The following SHISA2 variants were observed in gnomAD, a reference collection of about 807,000 sequenced individuals.
SHISA2 encodes protein shisa-2 homolog.
SHISA2 carries 16 observed loss-of-function variants against 23.8 expected under a neutral mutation model. The observed-to-expected ratio is 0.67, with a 90% CI of 0.46 to 1.02. The LOEUF is 1.02. Among genes scored for constraint, SHISA2 ranks in the 50% least tolerant of loss-of-function variants. SHISA2 has a pLI of 0.00. For synonymous variants in SHISA2, 201 were observed against 178.6 expected (o/e 1.13, Z -1.00); for missense variants, 459 against 420.1 (o/e 1.09, Z -0.81).
At position 26,050,947 on chromosome 13, in the gene SHISA2, G is replaced by A. The variant is rs763889075; in HGVS notation, c.29C>T (p.Ser10Phe). Residue 10 changes from serine to phenylalanine, a missense_variant, in exon 1 of 2, where the codon TCC becomes TTC. Transcript: ENST00000319420. ...GAGCGAAGCGGCGTTCCAGGATGAG[G>A]AGACGGACGAGCGGCGAGCGCCCCA... The part of the protein sequence containing the change: MWGARRSSV[S>F]SSWNAASLLQ... 6 of 1,517,178 alleles carry A rather than the reference G, an allele frequency of 4.0e-6. No individual in the cohort carries two copies. In the African/African-American group the frequency reaches 7.1e-5, roughly 18 times the overall value. The allele number at this position is 1,517,178 out of a possible 1,614,324, so 94.0% of individuals were successfully genotyped here.
Position 26,051,427 on chromosome 13 carries a change from G to T in SHISA2, c.-452C>A, listed in dbSNP as rs973159476. 2.6e-5 allele frequency among the ~76,000 whole-genome samples: 4 copies of T among 152,152 alleles called. No homozygotes were observed. Among genetic ancestry groups the T allele is most frequent in the African/African-American group, 9.7e-5 (4 of 41,446 alleles). ...CCTCAGGGTCCCGCGCGCGAATCAGGGCCCGTCTCCCCTCCTTTATTCCCT... is the reference window on the plus strand; with the variant it reads ...CCTCAGGGTCCCGCGCGCGAATCAGTGCCCGTCTCCCCTCCTTTATTCCCT... On this transcript the variant is annotated 5_prime_UTR_variant, in exon 1 of 2. Coordinates refer to ENST00000319420, the MANE Select transcript of SHISA2 (RefSeq NM_001007538.2).
Position 26,046,231 on chromosome 13 carries a change from A to G in SHISA2, c.*282T>C. ...AGTTTATAAAATTCTTTCGTCAACC[A>G]TATCTCAAGGGCACTTCGGACTCAA... On this transcript the variant is annotated 3_prime_UTR_variant, in exon 2 of 2. Coordinates refer to ENST00000319420, the MANE Select transcript of SHISA2 (RefSeq NM_001007538.2). The G allele has an allele frequency of 6.1e-6, 2 of 327,452 alleles. No individual in the cohort carries two copies. The highest frequency in any genetic ancestry group is 5.0e-5 in the East Asian group (1 of 19,926). 20.3% of individuals were successfully genotyped at this position (327,452 alleles called of 1,614,324 possible).
intron 1 of SHISA2, among the ~76,000 whole-genome samples, chr13:26,048,747 A>G (rs780505896): frequency 1.3e-5 from 2 of 152,210 alleles, no homozygotes; most frequent in Non-Finnish European, 2.9e-5. Context: ...TTAAAGTATA[A>G]TACCAGGTGG....
chr13:26,048,391 C>T (rs373384147), intron 1 of SHISA2, among the ~76,000 whole-genome samples: 5 of 152,140 alleles, frequency 3.3e-5, no homozygotes, highest in South Asian at 2.1e-4. Flanking sequence ...AGAAAATAGA[C>T]GCAGGTTGAC....
intron 1 of SHISA2, among the ~76,000 whole-genome samples, chr13:26,049,515 A>C: frequency 6.6e-6 from 1 of 152,158 alleles, no homozygotes; most frequent in Non-Finnish European, 1.5e-5. Context: ...GCTTTCTTCC[A>C]TGGCCACACA....
In SHISA2 at chr13:26,045,386, G is replaced by T. The variant is rs1957259430; in HGVS notation, c.*1127C>A. The T allele has an allele frequency of 6.6e-6, 1 of 152,072 alleles. No homozygotes were observed. Among genetic ancestry groups the T allele is most frequent in the Admixed American group, 6.5e-5 (1 of 15,270 alleles). 9.4% of individuals were successfully genotyped at this position (152,072 alleles called of 1,614,324 possible). On this transcript the variant is annotated 3_prime_UTR_variant, in exon 2 of 2. Coordinates refer to ENST00000319420, the MANE Select transcript of SHISA2 (RefSeq NM_001007538.2). Reference sequence around the variant, plus strand: ...TAGTTTATGATTTCAATATAAAAAAGAATGCATTACCTCTCAGATGTCACC... The same window carrying T: ...TAGTTTATGATTTCAATATAAAAAATAATGCATTACCTCTCAGATGTCACC...
intron 1 of SHISA2, among the ~76,000 whole-genome samples, chr13:26,049,618 G>A (rs941248490): frequency 3.9e-5 from 6 of 152,168 alleles, no homozygotes; most frequent in Admixed American, 2.0e-4. Flanking sequence ...GGAGTAGCAT[G>A]CTAATAAAAT....
chr13:26,047,614 A>AC (rs1957276533), intron 1 of SHISA2, among the ~76,000 whole-genome samples: 1 of 152,206 alleles, frequency 6.6e-6, no homozygotes, highest in Admixed American at 6.5e-5. Context: ...CTAAGTCACT[A>AC]CCATTTCCAA....
chr13:26,050,163 T>TGGGAATCC, intron 1 of SHISA2, among the ~76,000 whole-genome samples: 1 of 152,142 alleles, frequency 6.6e-6, no homozygotes, highest in East Asian at 1.9e-4. Context: ...GTGGAGAAGA[T>TGGGAATCC]GGGAATCCGC....
intron 1 of SHISA2, among the ~76,000 whole-genome samples, chr13:26,050,264 T>G (rs147632819): frequency 1.4e-3 from 210 of 152,214 alleles, no homozygotes; most frequent in Admixed American, 2.5e-3. Context: ...TGCCAGGCCC[T>G]CACGGGTGGG....
At position 26,051,144 on chromosome 13, in the gene SHISA2, G is replaced by A; in HGVS notation, c.-169C>T. 2 of 589,366 alleles carry A rather than the reference G, an allele frequency of 3.4e-6. No individual in the cohort carries two copies. The highest frequency in any genetic ancestry group is 4.7e-5 in the South Asian group (2 of 42,338). The allele number at this position is 589,366 out of a possible 1,614,324, so 36.5% of individuals were successfully genotyped here. Reference sequence around the variant, plus strand: ...CAGGAGGCGACGACGCCGGGCCCTAGGTCCAGGAGCTCCTAAGCCATCCCC... The same window carrying A: ...CAGGAGGCGACGACGCCGGGCCCTAAGTCCAGGAGCTCCTAAGCCATCCCC... On this transcript the variant is annotated 5_prime_UTR_variant, in exon 1 of 2. Transcript: ENST00000319420.
At position 26,046,977 on chromosome 13, in the gene SHISA2, A is replaced by C. The variant is rs372980117; in HGVS notation, c.424T>G (p.Cys142Gly). Residue 142 changes from cysteine (C) to glycine (G), a missense_variant, in exon 2 of 2, where the codon TGT becomes GGT. Physicochemically the swap from Cys to Gly is radical, Grantham distance 159. Coordinates refer to ENST00000319420, the MANE Select transcript of SHISA2 (RefSeq NM_001007538.2). ...TGGGGATCCTGCTTAGGCCGGAGACATCTGCAGCAACAGGCTGCCACCAGG... is the reference window on the plus strand; with the variant it reads ...TGGGGATCCTGCTTAGGCCGGAGACCTCTGCAGCAACAGGCTGCCACCAGG... ...GSLVAACCCRCLRPKQDPQQS... is the reference protein window; with the variant it reads ...GSLVAACCCRGLRPKQDPQQS... 1.4e-5 allele frequency: 23 copies of C among 1,603,386 alleles called. No individual in the cohort carries two copies. Among genetic ancestry groups the C allele is most frequent in the Non-Finnish European group, 2.0e-5 (23 of 1,172,802 alleles).
chr13:26,050,104 A>C (rs925290197), intron 1 of SHISA2, among the ~76,000 whole-genome samples: 1 of 152,212 alleles, frequency 6.6e-6, no homozygotes, highest in Non-Finnish European at 1.5e-5. Context: ...TAAGGAAAAC[A>C]GTCCAGAAGC....
At chr13:26,048,288 T>C (rs1003331899) in intron 1 of SHISA2, among the ~76,000 whole-genome samples, 10 of 152,094 alleles carry the variant, frequency 6.6e-5, no homozygotes, top group African/African-American at 2.2e-4. Flanking sequence ...GGGCAACAGA[T>C]TGAGATTCCA....
chr13:26,046,445 C>A lies in SHISA2; in HGVS notation c.*68G>T. ...CATAAATACCACCGACATGTGCGGA[C>A]TTCCACCTCGAGAATCCACCCCTGC... On this transcript the variant is annotated 3_prime_UTR_variant, in exon 2 of 2. Coordinates refer to ENST00000319420, the MANE Select transcript of SHISA2 (RefSeq NM_001007538.2). 1 of 1,500,746 alleles carries A rather than the reference C, an allele frequency of 6.7e-7. No homozygotes were observed. Among genetic ancestry groups the A allele is most frequent in the Non-Finnish European group, 9.0e-7 (1 of 1,115,922 alleles). 93.0% of individuals were successfully genotyped at this position (1,500,746 alleles called of 1,614,324 possible).
Position 26,051,342 on chromosome 13 carries a change from C to G in SHISA2, c.-367G>C, listed in dbSNP as rs1214758543. Among the ~76,000 whole-genome samples, 16 of 152,160 alleles carry G rather than the reference C, an allele frequency of 1.1e-4. No homozygotes were observed. Among genetic ancestry groups the G allele is most frequent in the Non-Finnish European group, 2.4e-4 (16 of 68,016 alleles). ...TCCCCGAAGGGATGCTCACTCGAGC[C>G]GAATGACCGCTGGGCGCGCCGCCGC... On this transcript the variant is annotated 5_prime_UTR_variant, in exon 1 of 2. Transcript: ENST00000319420.
chr13:26,046,933 C>CCCGAG lies in SHISA2; in HGVS notation c.467_468insCTCGG (p.Gly157SerfsTer6). The CCCGAG allele has an allele frequency of 6.2e-7, 1 of 1,613,438 alleles. No homozygotes were observed. Among genetic ancestry groups the CCCGAG allele is most frequent in the South Asian group, 1.1e-5 (1 of 91,002 alleles). On this transcript the variant is annotated frameshift_variant, in exon 2 of 2. Transcript: ENST00000319420. LOFTEE classifies it high-confidence loss of function. ...GGATGGTCTCCATCAAGCGGTTACC[C>CCCGAG]CCTGGGGCTCGGCTCTGCTGGGGAT...
At chr13:26,048,877 GC>G (rs1566374189) in intron 1 of SHISA2, among the ~76,000 whole-genome samples, 1 of 152,106 alleles carries the variant, frequency 6.6e-6, no homozygotes, top group Non-Finnish European at 1.5e-5. Flanking sequence ...TATATATAGC[GC>G]CCCTTTAGCA....
Position 26,050,863 on chromosome 13 carries a change from C to T in SHISA2, c.113G>A (p.Cys38Tyr), listed in dbSNP as rs774752093. ...GCCCTGCGCGTCCAGCCAGCCGTGG[C>T]AGTACTCGCCGCTGGCCCTCGCCCC... Reference protein sequence around the residue: ...AAGARASGEYCHGWLDAQGVW... With the variant: ...AAGARASGEYYHGWLDAQGVW... The change falls in exon 1 of 2, where the codon TGC becomes TAC. Residue 38 changes from cysteine (C) to tyrosine (Y), a missense_variant. Coordinates refer to ENST00000319420, the MANE Select transcript of SHISA2 (RefSeq NM_001007538.2). The T allele has an allele frequency of 6.6e-7, 1 of 1,526,414 alleles. No homozygotes were observed. Among genetic ancestry groups the T allele is most frequent in the Non-Finnish European group, 8.7e-7 (1 of 1,145,022 alleles). The allele number at this position is 1,526,414 out of a possible 1,614,324, so 94.6% of individuals were successfully genotyped here. A position where few individuals can be genotyped will look rare whatever the true frequency, so the allele number is the denominator to read the frequency against.
Sources: allele counts gnomAD v4.1 joint callset (sites outside exome capture counted in the v4.1 genomes callset), GRCh38; gene constraint gnomAD v4.1.1; transcripts MANE v1.5; gene names NCBI Gene and HGNC (gene_info 2026-07-23, HGNC 2026-07-21).